Variants in CAMTA1 observed in about 807,000 individuals in gnomAD.
CAMTA1 encodes the protein calmodulin binding transcription activator 1.
CAMTA1 carries 27 observed loss-of-function variants against 170.9 expected under a neutral mutation model. The ratio of observed to expected loss-of-function variants is 0.16; its 90% CI spans 0.12 to 0.22. The LOEUF (loss-of-function observed/expected upper bound fraction) is 0.22, where lower values mean the gene tolerates loss of function less well. Among genes scored for constraint, CAMTA1 ranks in the 10% least tolerant of loss-of-function variants. The pLI, the probability that CAMTA1 is intolerant of heterozygous loss-of-function variation, is 1.00. For missense variants in CAMTA1, 1,619 were observed against 2,217.2 expected (o/e 0.73, Z 5.42); for synonymous variants, 833 against 891.5 (o/e 0.93, Z 1.17).
chr1:7,323,434 T>G (rs1276909459), intron 5 of CAMTA1, among the ~76,000 whole-genome samples: 2 of 151,760 alleles, frequency 1.3e-5, no homozygotes, highest in East Asian at 3.9e-4. Flanking sequence ...ACCACCCAAT[T>G]TAAAATTGTA....
intron 4 of CAMTA1, among the ~76,000 whole-genome samples, chr1:7,190,874 G>T (rs1156897150): frequency 6.6e-6 from 1 of 152,162 alleles, no homozygotes; most frequent in African/African-American, 2.4e-5. Flanking sequence ...TACACATAAG[G>T]ATATAAGCTC....
chr1:7,250,697 T>G (rs1666496276), intron 5 of CAMTA1, among the ~76,000 whole-genome samples: 1 of 152,168 alleles, frequency 6.6e-6, no homozygotes, highest in Non-Finnish European at 1.5e-5. Flanking sequence ...ATGGCCTGTA[T>G]TATATGACCT....
chr1:6,795,081 G>A lies in CAMTA1; in HGVS notation c.45+9506G>A, dbSNP rs573401616. 2.2e-4 allele frequency among the ~76,000 whole-genome samples: 33 copies of A among 152,230 alleles called. No individual in the cohort carries two copies. In the East Asian group the frequency reaches 2.5e-3, roughly 12 times the overall value. ...TGCACTCATTTTTGAAAGTTATGCC[G>A]TGTGGTGGGAGAAAGATTTAAAGTT... On this transcript the variant is annotated intron_variant, in intron 1 of 22. Coordinates refer to ENST00000303635, the MANE Select transcript of CAMTA1 (RefSeq NM_015215.4).
chr1:6,908,028 G>A (rs1678919706), intron 3 of CAMTA1, among the ~76,000 whole-genome samples: 1 of 152,168 alleles, frequency 6.6e-6, no homozygotes, highest in South Asian at 2.1e-4. Context: ...GAGCCAGGCT[G>A]GCCATTTTTT....
At chr1:7,397,558 T>G (rs1390144486) in intron 5 of CAMTA1, among the ~76,000 whole-genome samples, 1 of 152,144 alleles carries the variant, frequency 6.6e-6, no homozygotes, top group Non-Finnish European at 1.5e-5. Flanking sequence ...TGGGTTTAGC[T>G]TGTTCTTGTT....
At chr1:7,363,904 C>T (rs756059676) in intron 5 of CAMTA1, among the ~76,000 whole-genome samples, 3 of 152,096 alleles carry the variant, frequency 2.0e-5, no homozygotes, top group Non-Finnish European at 4.4e-5. Flanking sequence ...TCCCAGGGAC[C>T]GGGAACACTT....
At chr1:7,226,854 A>T (rs1226090416) in intron 4 of CAMTA1, among the ~76,000 whole-genome samples, 1 of 151,332 alleles carries the variant, frequency 6.6e-6, no homozygotes, top group Non-Finnish European at 1.5e-5. Context: ...TTTTTTTGAG[A>T]TGGAGTCTCG....
In CAMTA1 at chr1:7,216,517, C is replaced by T. The variant is rs1659774075; in HGVS notation, c.303-32974C>T. ...TTTCTTTCATTTTCCTTCCTTCCTT[C>T]CTTTCTTTCTTTCGTTCTTTCACAG... is the stretch of plus-strand genomic sequence containing the variant. On this transcript the variant is annotated intron_variant, in intron 4 of 22. Transcript: ENST00000303635. The surrounding 1 kb of genome is among the most constrained non-coding windows in gnomAD (Gnocchi z 4.0). 6.6e-6 allele frequency among the ~76,000 whole-genome samples: 1 copy of T among 152,054 alleles called. No homozygotes were observed. Among genetic ancestry groups the T allele is most frequent in the South Asian group, 2.1e-4 (1 of 4,822 alleles).
At chr1:6,888,051 C>T in intron 3 of CAMTA1, 1 of 1,086,456 alleles carries the variant, frequency 9.2e-7, no homozygotes, top group Non-Finnish European at 1.1e-6. Flanking sequence ...AGCACCTGCC[C>T]CAGCGGTGGT....
intron 3 of CAMTA1, among the ~76,000 whole-genome samples, chr1:6,831,459 C>T (rs944599219): frequency 2.0e-5 from 3 of 152,178 alleles, no homozygotes; most frequent in Non-Finnish European, 4.4e-5. Flanking sequence ...ATTAGTACTC[C>T]ATATATGTTG....
chr1:7,639,987 T>C (rs1293221407), intron 6 of CAMTA1, among the ~76,000 whole-genome samples: 5 of 152,122 alleles, frequency 3.3e-5, no homozygotes, highest in Admixed American at 1.3e-4. Context: ...GAGAGGGCAG[T>C]GGCTGTGGTG....
chr1:7,688,584 A>T (rs1370827611), intron 11 of CAMTA1, among the ~76,000 whole-genome samples: 1 of 152,080 alleles, frequency 6.6e-6, no homozygotes, highest in African/African-American at 2.4e-5. Flanking sequence ...AGAAGAGAAG[A>T]CACAAGTGCT....
In CAMTA1 at chr1:6,986,136, C is replaced by T. The variant is rs77998399; in HGVS notation, c.235-105168C>T. On this transcript the variant is annotated intron_variant, in intron 3 of 22. Transcript: ENST00000303635. ...TGCCCTGCAGGTGGGTATCAGAGGA[C>T]GGAGGGTCTGGGGGAATGAGTCAGG... Among the ~76,000 whole-genome samples, 784 of 152,246 alleles carry T rather than the reference C, an allele frequency of 5.1e-3. 6 individuals carry two copies. The highest frequency in any genetic ancestry group is 0.018 in the African/African-American group (737 of 41,546).
rs1036482446 is a variant in CAMTA1 at position 7,603,821 on chromosome 1, C to T, written c.511-36579C>T. 2.0e-3 allele frequency among the ~76,000 whole-genome samples: 297 copies of T among 152,220 alleles called. 2 individuals carry two copies. Among genetic ancestry groups the T allele is most frequent in the African/African-American group, 6.9e-3 (285 of 41,524 alleles). ...GGCATGTTTTTGCAGTGGCTGGTAC[C>T]AGTTGTTCCTTTCCATGTTTAGTGC... On this transcript the variant is annotated intron_variant, in intron 6 of 22. Transcript: ENST00000303635.
chr1:7,229,930 A>G (rs1012807184), intron 4 of CAMTA1, among the ~76,000 whole-genome samples: 1 of 152,050 alleles, frequency 6.6e-6, no homozygotes, highest in African/African-American at 2.4e-5. Flanking sequence ...TCACATCCAG[A>G]TGTTTCTTCT....
chr1:7,282,233 A>T (rs539394891), intron 5 of CAMTA1, among the ~76,000 whole-genome samples: 238 of 152,306 alleles, frequency 1.6e-3, no homozygotes, highest in Non-Finnish European at 2.9e-3. Flanking sequence ...GGGATCCTGC[A>T]GGCCCAACCA....
chr1:7,382,264 G>A, intron 5 of CAMTA1, among the ~76,000 whole-genome samples: 1 of 152,242 alleles, frequency 6.6e-6, no homozygotes, highest in Non-Finnish European at 1.5e-5. Context: ...AAGGGAAACA[G>A]ATAGCTATCT....
At chr1:6,890,425 G>C (rs937691342) in intron 3 of CAMTA1, among the ~76,000 whole-genome samples, 1 of 152,194 alleles carries the variant, frequency 6.6e-6, no homozygotes, top group African/African-American at 2.4e-5. Context: ...AGGAAGGAAG[G>C]CTCCCTGATG....
intron 6 of CAMTA1, among the ~76,000 whole-genome samples, chr1:7,486,995 A>T (rs188997337): frequency 6.7e-6 from 1 of 150,300 alleles, no homozygotes; most frequent in Non-Finnish European, 1.5e-5. Context: ...CAGAAATGAG[A>T]ATAGCACCTG....
Sources: allele counts gnomAD v4.1 joint callset (sites outside exome capture counted in the v4.1 genomes callset), GRCh38; gene constraint gnomAD v4.1.1; non-coding constraint Gnocchi (gnomAD v3.1); transcripts MANE v1.5; gene names NCBI Gene and HGNC (gene_info 2026-07-23, HGNC 2026-07-21).